Variants in SPMIP9 observed in about 807,000 individuals in gnomAD.
SPMIP9 encodes the protein sperm microtubule inner protein 9.
chr2:88,526,666 A>G, the SPMIP9 span, among the ~76,000 whole-genome samples: 1 of 149,508 alleles, frequency 6.7e-6, no homozygotes, highest in Non-Finnish European at 1.5e-5. Flanking sequence ...ATGTGTGTGT[A>G]TTTTTTTTTT....
At chr2:88,528,099 A>T in the SPMIP9 span, among the ~76,000 whole-genome samples, 1 of 149,184 alleles carries the variant, frequency 6.7e-6, no homozygotes, top group Non-Finnish European at 1.5e-5. Context: ...TTTTCTTATT[A>T]ATTTGTAGAC....
At chr2:88,527,959 T>G in the SPMIP9 span, among the ~76,000 whole-genome samples, 1 of 152,230 alleles carries the variant, frequency 6.6e-6, no homozygotes, top group Non-Finnish European at 1.5e-5. Context: ...AAATCATATT[T>G]TCCTGTGGTC....
chr2:88,529,179 T>C, the SPMIP9 span: 3 of 1,614,034 alleles, frequency 1.9e-6, no homozygotes, highest in Non-Finnish European at 2.5e-6. Context: ...GACCTGGGAC[T>C]CCCCGGCTTC....
the SPMIP9 span, among the ~76,000 whole-genome samples, chr2:88,527,124 C>G: frequency 1.3e-5 from 2 of 152,162 alleles, no homozygotes; most frequent in Non-Finnish European, 2.9e-5. Flanking sequence ...CTTGTAGCCT[C>G]TTGGTAACCC....
the SPMIP9 span, among the ~76,000 whole-genome samples, chr2:88,526,656 ATG>A: frequency 6.7e-6 from 1 of 149,396 alleles, no homozygotes; most frequent in South Asian, 2.2e-4. Flanking sequence ...ATGTGCATGT[ATG>A]TGTGTGTATT....
the SPMIP9 span, chr2:88,528,966 G>A: frequency 1.5e-6 from 2 of 1,354,790 alleles, no homozygotes; most frequent in African/African-American, 2.9e-5. Flanking sequence ...AAAGAAGGGT[G>A]TGCTCTGTCT....
chr2:88,526,477 T>C, the SPMIP9 span: 2 of 1,614,014 alleles, frequency 1.2e-6, no homozygotes, highest in Non-Finnish European at 1.7e-6. Flanking sequence ...GCACAAATAC[T>C]CCAGGGTCAC....
chr2:88,526,337 C>A, the SPMIP9 span: 1 of 1,233,758 alleles, frequency 8.1e-7, no homozygotes, highest in Non-Finnish European at 1.2e-6. Flanking sequence ...CAGCAAGAAG[C>A]CATTGAATGG....
the SPMIP9 span, chr2:88,529,102 C>G: frequency 8.7e-6 from 14 of 1,614,040 alleles, no homozygotes; most frequent in Admixed American, 1.7e-5. Flanking sequence ...ACAGGCCCAT[C>G]CCTAACCCCA....
the SPMIP9 span, among the ~76,000 whole-genome samples, chr2:88,528,098 T>A: frequency 6.6e-6 from 1 of 152,076 alleles, no homozygotes; most frequent in Non-Finnish European, 1.5e-5. Flanking sequence ...TTTTTCTTAT[T>A]AATTTGTAGA....
the SPMIP9 span, chr2:88,526,470 CA>C: frequency 6.2e-7 from 1 of 1,614,066 alleles, no homozygotes; most frequent in Non-Finnish European, 8.5e-7. Flanking sequence ...ACAGGAAGCA[CA>C]AATACTCCAG....
At chr2:88,525,796 G>GT in the SPMIP9 span, 3 of 942,078 alleles carry the variant, frequency 3.2e-6, no homozygotes, top group South Asian at 1.5e-5. Context: ...GGGTTTTGTG[G>GT]GTTTTTTTTT....
At chr2:88,527,754 C>T in the SPMIP9 span, among the ~76,000 whole-genome samples, 3 of 152,072 alleles carry the variant, frequency 2.0e-5, no homozygotes, top group Admixed American at 1.3e-4. Context: ...TAAGTCACAT[C>T]CTAATGTTCA....
the SPMIP9 span, among the ~76,000 whole-genome samples, chr2:88,527,747 G>A: frequency 5.3e-5 from 8 of 152,140 alleles, no homozygotes; most frequent in Non-Finnish European, 1.0e-4. Context: ...GATGAGATAA[G>A]TCACATCCTA....
chr2:88,524,944 G>A, the SPMIP9 span, among the ~76,000 whole-genome samples: 1 of 152,268 alleles, frequency 6.6e-6, no homozygotes, highest in African/African-American at 2.4e-5. Context: ...AGTCTGTGCA[G>A]CGAGGCCCTC....
the SPMIP9 span, chr2:88,526,300 C>G: frequency 2.7e-5 from 23 of 839,432 alleles, no homozygotes; most frequent in East Asian, 5.7e-4. Context: ...GAATGTCAGG[C>G]CCCAAAGTCG....
At chr2:88,526,593 T>TGTTA in the SPMIP9 span, 1 of 922,042 alleles carries the variant, frequency 1.1e-6, no homozygotes, top group East Asian at 2.6e-5. Context: ...TTTGGGCCCT[T>TGTTA]GTTAGAACAA....
chr2:88,528,777 T>C, the SPMIP9 span, among the ~76,000 whole-genome samples: 2 of 152,164 alleles, frequency 1.3e-5, no homozygotes, highest in African/African-American at 4.8e-5. Context: ...GCACATCAAA[T>C]ATTTCTAGAG....
chr2:88,529,309 C>T, the SPMIP9 span: 33 of 1,614,034 alleles, frequency 2.0e-5, no homozygotes, highest in African/African-American at 2.7e-5. Flanking sequence ...CCAACCAGGT[C>T]CTCCAGAGTG....
Sources: gnomAD v4.1 joint callset for allele counts (sites outside exome capture counted in the v4.1 genomes callset) on GRCh38, gnomAD v4.1.1 for gene constraint, MANE v1.5 for transcripts, NCBI Gene and HGNC (gene_info 2026-07-23, HGNC 2026-07-21) for gene names.